Variants in MAN2B1 observed in about 807,000 individuals in gnomAD.
MAN2B1 encodes the protein mannosidase alpha class 2B member 1, also known as lysosomal alpha-mannosidase.
In MAN2B1, 99 loss-of-function variants were observed where a neutral mutation model predicts 127.5. That is an observed-to-expected ratio of 0.78 (90% confidence interval 0.66 to 0.92). The LOEUF is 0.92. Among genes scored for constraint, MAN2B1 ranks in the 40% least tolerant of loss-of-function variants. MAN2B1 has a pLI of 0.00. For synonymous variants in MAN2B1, 573 were observed against 568.8 expected (o/e 1.01, Z -0.11); for missense variants, 1,304 against 1,384.8 (o/e 0.94, Z 0.93).
At position 12,663,352 on chromosome 19, in the gene MAN2B1, G is replaced by A. The variant is rs141077530; in HGVS notation, c.874C>T (p.Leu292=). The part of the protein sequence containing the change: ...PRSPEYNAKE[L]VDYFLNVATA... ...GCCACATTTAGGAAGTAATCGACCA[G>A]CTCCTTGGCGTTGTACTCGGGGCTG... The change falls in exon 6 of 24, where the codon CTG becomes TTG. Residue 292 remains leucine, a synonymous_variant. Transcript: ENST00000456935. 1.2e-4 allele frequency: 188 copies of A among 1,614,228 alleles called. No homozygotes were observed. In the African/African-American group the frequency reaches 2.3e-3, roughly 20 times the overall value.
chr19:12,656,906 A>G, intron 12 of MAN2B1, 43 bp downstream of exon 12: 1 of 1,488,182 alleles, frequency 6.7e-7, no homozygotes, highest in Non-Finnish European at 9.3e-7. Context: ...TACCCCCTCT[A>G]AAGCCCATCT....
Position 12,647,108 on chromosome 19 carries a change from G to C in MAN2B1, c.2923+125C>G. 1 of 906,786 alleles carries C rather than the reference G, an allele frequency of 1.1e-6. No individual in the cohort carries two copies. The highest frequency in any genetic ancestry group is 1.8e-5 in the Admixed American group (1 of 56,164). 56.2% of individuals were successfully genotyped at this position (906,786 alleles called of 1,614,324 possible). On this transcript the variant is annotated intron_variant, in intron 23 of 23. Coordinates refer to ENST00000456935, the MANE Select transcript of MAN2B1 (RefSeq NM_000528.4). This position sits in a 1 kb window ranked among gnomAD's most constrained non-coding sequence, Gnocchi z 4.9. ...CCTTTAAGCCCCTAACCTGGGTCTG[G>C]ACTCTGCCCCATACCCTCATGACCT... is the stretch of plus-strand genomic sequence containing the variant.
intron 10 of MAN2B1, 106 bp downstream of exon 10, chr19:12,657,957 A>T: frequency 1.1e-5 from 1 of 92,992 alleles, no homozygotes; most frequent in Non-Finnish European, 2.6e-5. Flanking sequence ...TCCGTCTCAA[A>T]AAAAAAAAAA....
rs2023704079 is a variant in MAN2B1, at chr19:12,647,025, C to T, written c.2923+208G>A. 3.3e-6 allele frequency: 2 copies of T among 613,658 alleles called. No homozygotes were observed. Among genetic ancestry groups the T allele is most frequent in the East Asian group, 5.5e-5 (2 of 36,554 alleles). The allele number at this position is 613,658 out of a possible 1,614,324, so 38.0% of individuals were successfully genotyped here. ...GGATTTTCAAATCTTGTTCTTGGGACTAAACAGCACCCACAAACCTCAAGA... is the reference window on the plus strand; with the variant it reads ...GGATTTTCAAATCTTGTTCTTGGGATTAAACAGCACCCACAAACCTCAAGA... On this transcript the variant is annotated intron_variant, in intron 23 of 23. Coordinates refer to ENST00000456935, the MANE Select transcript of MAN2B1 (RefSeq NM_000528.4). The surrounding 1 kb of genome is among the most constrained non-coding windows in gnomAD (Gnocchi z 4.9).
At chr19:12,663,872 G>A in intron 4 of MAN2B1, 37 bp from the exon 5 acceptor site, 1 of 1,613,630 alleles carries the variant, frequency 6.2e-7, no homozygotes, top group Non-Finnish European at 8.5e-7. Flanking sequence ...GTGAATTAGT[G>A]CCCAGCCCTC....
intron 18 of MAN2B1, 67 bp downstream of exon 18, chr19:12,649,846 T>TCCCCCCCC: frequency 2.3e-6 from 3 of 1,330,388 alleles, no homozygotes; most frequent in Admixed American, 1.7e-5. Context: ...TCAGCAAATT[T>TCCCCCCCC]CCCTCACCAC....
rs775204651 is a variant in MAN2B1 at position 12,648,278 on chromosome 19, G to A, written c.2561C>T (p.Ala854Val). 2.5e-6 allele frequency: 4 copies of A among 1,609,992 alleles called. No individual in the cohort carries two copies. Among genetic ancestry groups the A allele is most frequent in the South Asian group, 1.1e-5 (1 of 90,862 alleles). ...CTGCTCCGCCAGGAGCCGGTGTCCG[G>A]CGGCTGCAGCCTGGGCTGTGTCCAG... is the stretch of plus-strand genomic sequence containing the variant. ...VLLDTAQAAAAGHRLLAEQEV... is the reference protein window; with the variant it reads ...VLLDTAQAAAVGHRLLAEQEV... The change falls in exon 21 of 24, where the codon GCC (alanine) becomes GTC (valine). Residue 854 changes from alanine to valine, a missense_variant. Physicochemically the swap from Ala to Val is moderately conservative, Grantham distance 64. Transcript: ENST00000456935.
intron 5 of MAN2B1, 43 bp downstream of exon 5, chr19:12,663,660 T>A (rs762145705): frequency 2.5e-6 from 4 of 1,581,536 alleles, no homozygotes; most frequent in Non-Finnish European, 3.4e-6. Flanking sequence ...CCCTTCTGAG[T>A]GTGTGGCACC....
rs764116542 is a variant in MAN2B1 at position 12,647,338 on chromosome 19, G to T, written c.2821-3C>A. 3.1e-6 allele frequency: 5 copies of T among 1,613,972 alleles called. No individual in the cohort carries two copies. The African/African-American group carries it at 5.3e-5, about 17-fold the overall frequency. ...ATGGTGAAGGTGGAGAACAGGTCCT[G>T]CGGGGAAGGGGATGGGCCCAGATGA... On this transcript the variant is annotated splice_region_variant and splice_polypyrimidine_tract_variant and intron_variant, in intron 22 of 23. Coordinates refer to ENST00000456935, the MANE Select transcript of MAN2B1 (RefSeq NM_000528.4). The surrounding 1 kb of genome is among the most constrained non-coding windows in gnomAD (Gnocchi z 4.9).
At chr19:12,663,976 C>A in intron 4 of MAN2B1, 141 bp from the exon 5 acceptor site, 1 of 1,167,268 alleles carries the variant, frequency 8.6e-7, no homozygotes, top group East Asian at 2.5e-5. Flanking sequence ...GCCTATGATC[C>A]CAGCCTTCTG....
At chr19:12,658,398 C>A in intron 8 of MAN2B1, 30 bp downstream of exon 8, 1 of 1,614,194 alleles carries the variant, frequency 6.2e-7, no homozygotes, top group Non-Finnish European at 8.5e-7. Context: ...GCATGCCAAC[C>A]CCCCCAAGCT....
chr19:12,659,915 C>T (rs1033358306), intron 7 of MAN2B1, among the ~76,000 whole-genome samples: 2 of 151,670 alleles, frequency 1.3e-5, no homozygotes, highest in African/African-American at 2.4e-5. Context: ...GTGCTGGGAG[C>T]GAGTGGAAGG....
chr19:12,659,015 C>T (rs150972440), intron 7 of MAN2B1: 36 of 199,614 alleles, frequency 1.8e-4, no homozygotes, highest in African/African-American at 8.0e-4. Flanking sequence ...CGCCACCACA[C>T]CCGGCTAATT....
Position 12,648,162 on chromosome 19 carries a change from C to T in MAN2B1, c.2664+13G>A, listed in dbSNP as rs759423485. 1.1e-5 allele frequency: 17 copies of T among 1,533,742 alleles called. No individual in the cohort carries two copies. In the South Asian group the frequency reaches 1.4e-4, roughly 13 times the overall value. ...TCAATCCGGTCCTCTCTGCCTACCC[C>T]GCTGCCCCTCACCTGCGTGCGCGGA... On this transcript the variant is annotated intron_variant, in intron 21 of 23. Transcript: ENST00000456935.
intron 14 of MAN2B1, among the ~76,000 whole-genome samples, chr19:12,654,492 C>T (rs1043147450): frequency 1.1e-4 from 17 of 152,300 alleles, no homozygotes; most frequent in East Asian, 1.9e-4. Context: ...CCCTAAGTCC[C>T]ATCAAAGCCC....
At chr19:12,664,717 G>T (rs749322752) in intron 4 of MAN2B1, 75 bp downstream of exon 4, 52 of 1,440,268 alleles carry the variant, frequency 3.6e-5, no homozygotes, top group Non-Finnish European at 5.0e-5. Context: ...TGCAGGGAGA[G>T]GGCGGGGTTT....
At chr19:12,656,024 C>A in intron 13 of MAN2B1, 145 bp from the exon 14 acceptor site, 4 of 639,270 alleles carry the variant, frequency 6.3e-6, no homozygotes, top group South Asian at 1.8e-5. Flanking sequence ...AGTCAGATTC[C>A]AAGGAAATGA....
chr19:12,664,409 TC>T (rs1175453571), intron 4 of MAN2B1, among the ~76,000 whole-genome samples: 2 of 151,718 alleles, frequency 1.3e-5, no homozygotes, highest in Admixed American at 1.3e-4. Context: ...GGAATGAGGT[TC>T]CCCCTTCCAC....
chr19:12,647,687 G>T lies in MAN2B1; in HGVS notation c.2665-89C>A. 9.0e-7 allele frequency: 1 copy of T among 1,108,582 alleles called. No individual in the cohort carries two copies. Among genetic ancestry groups the T allele is most frequent in the Non-Finnish European group, 1.3e-6 (1 of 775,556 alleles). The allele number at this position is 1,108,582 out of a possible 1,614,324, so 68.7% of individuals were successfully genotyped here. On this transcript the variant is annotated intron_variant, in intron 21 of 23. Transcript: ENST00000456935. The surrounding 1 kb of genome is among the most constrained non-coding windows in gnomAD (Gnocchi z 4.9). The stretch of plus-strand genomic sequence containing the variant: ...CGAGCCAGGTCAGGAGGCAGGGCTA[G>T]GTTGTAGGGGCGGGGTTTCGCCGGA...
Sources: gnomAD v4.1 joint callset for allele counts (sites outside exome capture counted in the v4.1 genomes callset) on GRCh38, gnomAD v4.1.1 for gene constraint, Gnocchi (gnomAD v3.1) non-coding constraint, MANE v1.5 for transcripts, NCBI Gene and HGNC (gene_info 2026-07-23, HGNC 2026-07-21) for gene names.